IGF2BP2: variants seen among roughly 807,000 people sequenced by gnomAD.
IGF2BP2 encodes insulin-like growth factor 2 mRNA-binding protein 2.
Under a neutral mutation model 75.8 loss-of-function variants are expected in IGF2BP2, and 17 were observed. That is an observed-to-expected ratio of 0.22 (90% confidence interval 0.15 to 0.34). IGF2BP2 has a LOEUF of 0.34. Among genes scored for constraint, IGF2BP2 ranks in the 10% least tolerant of loss-of-function variants. The pLI is 1.00. For missense variants in IGF2BP2, 516 were observed against 772.4 expected (o/e 0.67, Z 3.93); for synonymous variants, 288 against 295.6 (o/e 0.97, Z 0.26).
At chr3:185,683,596 A>T (rs183031138) in intron 7 of IGF2BP2, among the ~76,000 whole-genome samples, 1 of 152,006 alleles carries the variant, frequency 6.6e-6, no homozygotes, top group Non-Finnish European at 1.5e-5. Flanking sequence ...TTTAGTAGAG[A>T]CGAGGTTTCA....
Position 185,825,039 on chromosome 3 carries a change from C to T in IGF2BP2, c.-79G>A. ...CGCCTCCTCCGCTGCCCTCGTCTCT[C>T]CTCCTCCTCCGCCCCCCCTCCCCGC... On this transcript the variant is annotated 5_prime_UTR_variant, in exon 1 of 16. Coordinates refer to ENST00000382199, the MANE Select transcript of IGF2BP2 (RefSeq NM_006548.6). 2 of 1,130,234 alleles carry T rather than the reference C, an allele frequency of 1.8e-6. No individual in the cohort carries two copies. Among genetic ancestry groups the T allele is most frequent in the Non-Finnish European group, 2.4e-6 (2 of 842,252 alleles). The allele number at this position is 1,130,234 out of a possible 1,614,324, so 70.0% of individuals were successfully genotyped here. A position where few individuals can be genotyped will look rare whatever the true frequency, so the allele number is the denominator to read the frequency against.
At chr3:185,815,888 C>T (rs372348516) in intron 2 of IGF2BP2, among the ~76,000 whole-genome samples, 5 of 151,960 alleles carry the variant, frequency 3.3e-5, no homozygotes, top group South Asian at 2.1e-4. Flanking sequence ...TTTTTTTGTG[C>T]GATTATAAAA....
intron 5 of IGF2BP2, among the ~76,000 whole-genome samples, chr3:185,690,988 T>G (rs1287884379): frequency 1.3e-5 from 2 of 152,136 alleles, no homozygotes; most frequent in African/African-American, 4.8e-5. Context: ...TGTAGAGAGG[T>G]CCACCCAAGC....
intron 8 of IGF2BP2, 135 bp downstream of exon 8, chr3:185,675,656 T>A (rs1278274672): frequency 4.8e-6 from 6 of 1,237,706 alleles, no homozygotes; most frequent in South Asian, 4.4e-5. Context: ...TGTATTTTTT[T>A]AAAAGATGAT....
intron 2 of IGF2BP2, among the ~76,000 whole-genome samples, chr3:185,763,357 C>A (rs1325292329): frequency 6.6e-6 from 1 of 152,180 alleles, no homozygotes; most frequent in African/African-American, 2.4e-5. Context: ...GGTCCCTGGT[C>A]ATGTAATTGT....
At chr3:185,727,038 G>A (rs141465286) in intron 2 of IGF2BP2, among the ~76,000 whole-genome samples, 16,049 of 151,994 alleles carry the variant, frequency 0.11, 1,129 homozygotes, top group Middle Eastern at 0.2. Flanking sequence ...GGCCAACATC[G>A]TGAAACCCCA....
intron 2 of IGF2BP2, among the ~76,000 whole-genome samples, chr3:185,701,432 T>C (rs1723296676): frequency 6.6e-6 from 1 of 151,686 alleles, no homozygotes; most frequent in African/African-American, 2.4e-5. Flanking sequence ...TTCTCCATAA[T>C]TACACTAGGT....
intron 12 of IGF2BP2, among the ~76,000 whole-genome samples, chr3:185,653,565 G>A (rs1577817783): frequency 6.6e-6 from 1 of 152,018 alleles, no homozygotes; most frequent in East Asian, 1.9e-4. Context: ...AGGTTGCAAT[G>A]AGCCGAGATC....
intron 12 of IGF2BP2, among the ~76,000 whole-genome samples, chr3:185,653,582 C>T (rs1304589786): frequency 2.0e-5 from 3 of 151,862 alleles, no homozygotes; most frequent in Non-Finnish European, 4.4e-5. Flanking sequence ...GATCAAACCA[C>T]TGCCTGGGTG....
chr3:185,823,571 C>T (rs949429366), intron 1 of IGF2BP2, among the ~76,000 whole-genome samples: 3 of 152,076 alleles, frequency 2.0e-5, no homozygotes, highest in Admixed American at 6.5e-5. Flanking sequence ...CCCACCTCTC[C>T]ATTCCGCTAA....
intron 2 of IGF2BP2, among the ~76,000 whole-genome samples, chr3:185,746,200 G>A (rs76819408): frequency 0.023 from 3,562 of 152,238 alleles, 69 homozygotes; most frequent in Middle Eastern, 0.054. Context: ...TTAAAAATAA[G>A]CCTGTTATAC....
At chr3:185,761,190 A>G (rs1732310238) in intron 2 of IGF2BP2, among the ~76,000 whole-genome samples, 1 of 152,196 alleles carries the variant, frequency 6.6e-6, no homozygotes, top group Non-Finnish European at 1.5e-5. Context: ...GATACAGAAG[A>G]AAAAGAAATG....
intron 2 of IGF2BP2, among the ~76,000 whole-genome samples, chr3:185,730,819 T>C (rs746637095): frequency 6.6e-6 from 1 of 152,180 alleles, no homozygotes; most frequent in Non-Finnish European, 1.5e-5. Context: ...ATAGAGGTTG[T>C]ACTAATTTAC....
At chr3:185,658,220 A>G in intron 11 of IGF2BP2, 121 bp downstream of exon 11, 2 of 986,732 alleles carry the variant, frequency 2.0e-6, no homozygotes, top group Non-Finnish European at 3.2e-6. Context: ...TGTCACTCCC[A>G]GGACAAACCA....
At chr3:185,696,850 T>G (rs771417803) in intron 3 of IGF2BP2, among the ~76,000 whole-genome samples, 187 bp from the exon 4 acceptor site, 4 of 152,206 alleles carry the variant, frequency 2.6e-5, no homozygotes, top group African/African-American at 9.7e-5. Flanking sequence ...GGGACCTACA[T>G]TGGCTTATTG....
chr3:185,821,038 G>A lies in IGF2BP2; in HGVS notation c.239+2115C>T, dbSNP rs770015346. 2.6e-6 allele frequency: 4 copies of A among 1,535,578 alleles called. No individual in the cohort carries two copies. The South Asian group carries it at 4.8e-5, about 18-fold the overall frequency. ...CTGGATTTAGAAAGCCATCAACGTG[G>A]TAGTGTCCAGGACATGAGAACATAC... On this transcript the variant is annotated intron_variant, in intron 2 of 15. Transcript: ENST00000382199.
intron 2 of IGF2BP2, among the ~76,000 whole-genome samples, chr3:185,761,316 A>G (rs1204657790): frequency 6.6e-6 from 1 of 152,254 alleles, no homozygotes; most frequent in East Asian, 1.9e-4. Flanking sequence ...GCTTTAGTTT[A>G]GAGAACTAAA....
At position 185,689,486 on chromosome 3, in the gene IGF2BP2, G is replaced by A; in HGVS notation, c.546C>T (p.Ala182=). Residue 182 remains alanine, a synonymous_variant, in exon 6 of 16, where the codon GCC becomes GCT. Transcript: ENST00000382199. ...GDHSSREQGH[A]PGGTSQARQI... ...GTCTGGCCTGAGAAGTGCCCCCAGG[G>A]GCGTGGCCTTGCTCCCGGGAAGAGT... is the stretch of plus-strand genomic sequence containing the variant. 6.2e-7 allele frequency: 1 copy of A among 1,613,982 alleles called. No homozygotes were observed. The highest frequency in any genetic ancestry group is 1.1e-5 in the South Asian group (1 of 91,062).
At chr3:185,773,893 T>A (rs1355576176) in intron 2 of IGF2BP2, among the ~76,000 whole-genome samples, 2 of 152,198 alleles carry the variant, frequency 1.3e-5, no homozygotes, top group African/African-American at 4.8e-5. Context: ...CTGAGCACAC[T>A]CATGCAAGTG....
Sources: allele counts gnomAD v4.1 joint callset (sites outside exome capture counted in the v4.1 genomes callset), GRCh38; gene constraint gnomAD v4.1.1; transcripts MANE v1.5; gene names NCBI Gene and HGNC (gene_info 2026-07-23, HGNC 2026-07-21).